Variants in SQSTM1 observed in about 807,000 individuals in gnomAD.
The protein encoded by SQSTM1 is sequestosome-1.
In SQSTM1, 36 loss-of-function variants were observed where a neutral mutation model predicts 45.1. The observed-to-expected ratio is 0.80, with a 90% CI of 0.61 to 1.05. The LOEUF (loss-of-function observed/expected upper bound fraction) is 1.05, where lower values mean the gene tolerates loss of function less well. Ranked by LOEUF, SQSTM1 falls within the 50% of genes least tolerant of loss-of-function variation. SQSTM1 has a pLI of 0.00. For missense variants in SQSTM1, 617 were observed against 607.1 expected (o/e 1.02, Z -0.17); for synonymous variants, 290 against 244.3 (o/e 1.19, Z -1.74).
intron 2 of SQSTM1, chr5:179,812,997 CAAAAA>C (rs1338941765): frequency 6.0e-5 from 5 of 83,246 alleles, no homozygotes; most frequent in Non-Finnish European, 1.1e-4. Flanking sequence ...CCCCCCCCCC[CAAAAA>C]AAAAAGAAAA....
Position 179,837,477 on chromosome 5 carries a change from G to A in SQSTM1, c.*884G>A. ...GGATTCTGTGCCTCCAGGACCAGGG[G>A]CCCACCCTCTGCCCAGGGAGTCCTT... On this transcript the variant is annotated 3_prime_UTR_variant, in exon 8 of 8. Transcript: ENST00000389805. 6.2e-7 allele frequency: 1 copy of A among 1,614,042 alleles called. No individual in the cohort carries two copies. Among genetic ancestry groups the A allele is most frequent in the Non-Finnish European group, 8.5e-7 (1 of 1,179,916 alleles).
intron 5 of SQSTM1, among the ~76,000 whole-genome samples, chr5:179,828,660 CACTGT>C (rs2113499675): frequency 6.6e-6 from 1 of 152,314 alleles, no homozygotes; most frequent in South Asian, 2.1e-4. Context: ...AGGCGTGAGC[CACTGT>C]ACCCGGCAGC....
chr5:179,836,723 A>C lies in SQSTM1; in HGVS notation c.*130A>C, dbSNP rs1017794004. The C allele has an allele frequency of 2.1e-6, 3 of 1,439,916 alleles. No individual in the cohort carries two copies. In the South Asian group the frequency reaches 3.4e-5, roughly 16 times the overall value. 89.2% of individuals were successfully genotyped at this position (1,439,916 alleles called of 1,614,324 possible). On this transcript the variant is annotated 3_prime_UTR_variant, in exon 8 of 8. Coordinates refer to ENST00000389805, the MANE Select transcript of SQSTM1 (RefSeq NM_003900.5). ...CCAGGATCAGGGGTTAGGGTGCAAG[A>C]AGCCATTTAGGGCAGCAAAACAAGT...
rs778199086 is a variant in SQSTM1, at chr5:179,833,739, C to T, written c.1122C>T (p.Pro374=). The T allele has an allele frequency of 3.1e-6, 5 of 1,614,146 alleles. No homozygotes were observed. Among genetic ancestry groups the T allele is most frequent in the Middle Eastern group, 1.6e-4 (1 of 6,062 alleles). The change falls in exon 7 of 8, where the codon CCC becomes CCT. Residue 374 remains proline, a synonymous_variant. Coordinates refer to ENST00000389805, the MANE Select transcript of SQSTM1 (RefSeq NM_003900.5). ...CTCTGGACCCCTCCCAGGAGGGACC[C>T]ACAGGGCTGAAGGAAGCTGCCTTGT... ...PSSLDPSQEG[P]TGLKEAALYP...
chr5:179,812,620 C>T (rs1228031108), intron 2 of SQSTM1: 3 of 152,204 alleles, frequency 2.0e-5, no homozygotes, highest in Non-Finnish European at 4.4e-5. Context: ...TTTTTGGCCC[C>T]TCTCATATCC....
intron 2 of SQSTM1, chr5:179,812,101 C>G (rs1277509727): frequency 2.0e-5 from 3 of 152,266 alleles, no homozygotes; most frequent in South Asian, 2.1e-4. Context: ...ACCGCGCCCA[C>G]CCCTCCATGA....
chr5:179,833,756 C>T lies in SQSTM1; in HGVS notation c.1139C>T (p.Ala380Val), dbSNP rs1447276382. Residue 380 changes from alanine (A) to valine (V), a missense_variant, in exon 7 of 8, where the codon GCT (alanine) becomes GTT (valine). Physicochemically the swap from Ala to Val is moderately conservative, Grantham distance 64. Transcript: ENST00000389805. ...GAGGGACCCACAGGGCTGAAGGAAG[C>T]TGCCTTGTACCCACATCTCCCGCCA... ...SQEGPTGLKE[A>V]ALYPHLPPEA... The T allele has an allele frequency of 2.3e-5, 37 of 1,614,024 alleles. No homozygotes were observed. The highest frequency in any genetic ancestry group is 3.1e-5 in the Non-Finnish European group (37 of 1,180,038).
At chr5:179,826,132 C>A (rs993272203) in intron 5 of SQSTM1, among the ~76,000 whole-genome samples, 5 of 150,602 alleles carry the variant, frequency 3.3e-5, no homozygotes, top group Admixed American at 1.3e-4. Flanking sequence ...GGCTACAGGG[C>A]GTGACTGCCA....
rs749644765 is a variant in SQSTM1, at chr5:179,837,252, CA to C, written c.*661del. ...AATTAAATGGCATCAGCACTTTAAC[CA>C]ATGACGTTTGCATAGAGAGAAATGA... On this transcript the variant is annotated 3_prime_UTR_variant, in exon 8 of 8. Coordinates refer to ENST00000389805, the MANE Select transcript of SQSTM1 (RefSeq NM_003900.5). 1 of 1,603,950 alleles carries C rather than the reference CA, an allele frequency of 6.2e-7. No individual in the cohort carries two copies. The highest frequency in any genetic ancestry group is 1.7e-5 in the Admixed American group (1 of 59,606).
intron 7 of SQSTM1, among the ~76,000 whole-genome samples, chr5:179,834,026 A>G (rs528597932): frequency 6.6e-6 from 1 of 152,154 alleles, no homozygotes; most frequent in South Asian, 2.1e-4. Flanking sequence ...CAGGAATATT[A>G]ATTGTAGGAG....
intron 1 of SQSTM1, among the ~76,000 whole-genome samples, chr5:179,808,828 T>TTTTA (rs778152680): frequency 1.6e-4 from 24 of 151,204 alleles, no homozygotes; most frequent in Admixed American, 1.1e-3. Flanking sequence ...TTTTTTGTAA[T>TTTTA]TTTATTTATT....
At chr5:179,836,229 G>C in intron 7 of SQSTM1, 2 of 647,056 alleles carry the variant, frequency 3.1e-6, no homozygotes, top group Non-Finnish European at 5.5e-6. Flanking sequence ...GCCTGGTGTC[G>C]CAGTGGCAGA....
intron 2 of SQSTM1, 77 bp downstream of exon 2, chr5:179,823,130 C>G (rs7711505): frequency 7.4e-7 from 1 of 1,349,998 alleles, no homozygotes; most frequent in African/African-American, 1.4e-5. Context: ...AAACAGGGCT[C>G]GATGTTCCAC....
chr5:179,821,245 G>C, intron 1 of SQSTM1, 104 bp downstream of exon 1: 1 of 1,134,160 alleles, frequency 8.8e-7, no homozygotes, highest in Non-Finnish European at 1.2e-6. Flanking sequence ...GGCGGGCCGT[G>C]AGGGGGTCTG....
rs750331363 is a variant in SQSTM1 at position 179,836,601 on chromosome 5, T to G, written c.*8T>G. ...CATCCCCCGCCGTTGTGACCACTTT[T>G]GCCCACCTCTTCTGCGTGCCCCTCT... On this transcript the variant is annotated 3_prime_UTR_variant, in exon 8 of 8. Transcript: ENST00000389805. 7 of 1,614,086 alleles carry G rather than the reference T, an allele frequency of 4.3e-6. No homozygotes were observed. In the African/African-American group the frequency reaches 8.0e-5, roughly 18 times the overall value.
intron 7 of SQSTM1, among the ~76,000 whole-genome samples, chr5:179,834,595 ATTAGGGAGTG>A (rs1561607260): frequency 2.0e-5 from 3 of 151,488 alleles, no homozygotes; most frequent in Non-Finnish European, 4.4e-5. Context: ...GGTACTTGAG[ATTAGGGAGTG>A]GTGATGACTC....
intron 5 of SQSTM1, among the ~76,000 whole-genome samples, chr5:179,831,795 T>TA (rs1243411699): frequency 6.6e-6 from 1 of 151,678 alleles, no homozygotes; most frequent in Non-Finnish European, 1.5e-5. Flanking sequence ...ATGTTCTTTT[T>TA]TTTTTTTGAG....
upstream of SQSTM1, among the ~76,000 whole-genome samples, chr5:179,817,356 A>C (rs1581998477): frequency 2.0e-5 from 3 of 148,332 alleles, no homozygotes; most frequent in African/African-American, 2.5e-5. Context: ...CCTTTTCCCC[A>C]CTCCGCGGTT....
intron 1 of SQSTM1, 44 bp downstream of exon 1, chr5:179,821,185 C>A: frequency 7.6e-7 from 1 of 1,317,568 alleles, no homozygotes; most frequent in Admixed American, 4.2e-5. Context: ...GCAGGCCGGA[C>A]ACGGCCTCCT....
Sources: gnomAD v4.1 joint callset for allele counts (sites outside exome capture counted in the v4.1 genomes callset) on GRCh38, gnomAD v4.1.1 for gene constraint, MANE v1.5 for transcripts, NCBI Gene and HGNC (gene_info 2026-07-23, HGNC 2026-07-21) for gene names.